Variants in RBP5 observed in about 807,000 individuals in gnomAD.
RBP5 encodes retinol-binding protein 5.
Under a neutral mutation model 17.8 loss-of-function variants are expected in RBP5, and 12 were observed. The observed-to-expected ratio is 0.67, with a 90% CI of 0.43 to 1.09. RBP5 has a LOEUF of 1.09. Among genes scored for constraint, RBP5 ranks in the 50% least tolerant of loss-of-function variants. The pLI is 0.00. For missense variants in RBP5, 172 were observed against 169.4 expected (o/e 1.02, Z -0.09); for synonymous variants, 64 against 68.1 (o/e 0.94, Z 0.30).
At position 7,124,765 on chromosome 12, in the gene RBP5, A is replaced by G; in HGVS notation, c.253-35T>C. Reference sequence around the variant, plus strand: ...AAAGAGGGAGTAAAGAAAGATTAGGAGGCAGGACACTCAAAATGCTTCCCA... The same window carrying G: ...AAAGAGGGAGTAAAGAAAGATTAGGGGGCAGGACACTCAAAATGCTTCCCA... On this transcript the variant is annotated intron_variant, in intron 2 of 3. Transcript: ENST00000266560. The surrounding 1 kb of genome is among the most constrained non-coding windows in gnomAD (Gnocchi z 5.3). 1.6e-6 allele frequency: 2 copies of G among 1,283,154 alleles called. No homozygotes were observed. Among genetic ancestry groups the G allele is most frequent in the Non-Finnish European group, 2.3e-6 (2 of 879,282 alleles). 79.5% of individuals were successfully genotyped at this position (1,283,154 alleles called of 1,614,324 possible). A position where few individuals can be genotyped will look rare whatever the true frequency, so the allele number is the denominator to read the frequency against.
chr12:7,128,967 C>T, upstream of RBP5: 2 of 585,216 alleles, frequency 3.4e-6, no homozygotes, highest in Non-Finnish European at 6.4e-6. The surrounding 1 kb of genome is among the most constrained non-coding windows in gnomAD (Gnocchi z 5.3). Context: ...CTTCTTCCCT[C>T]CCCGCATGGT....
upstream of RBP5, chr12:7,129,703 T>A: frequency 1.0e-6 from 1 of 985,446 alleles, no homozygotes; most frequent in South Asian, 4.7e-5. The surrounding 1 kb of genome is among the most constrained non-coding windows in gnomAD (Gnocchi z 5.5). Flanking sequence ...TGCCCAATTC[T>A]CTCTCGAACC....
In RBP5 at chr12:7,128,154, G is replaced by A; in HGVS notation, c.252+86C>T. On this transcript the variant is annotated intron_variant, in intron 2 of 3. Transcript: ENST00000266560. The surrounding 1 kb of genome is among the most constrained non-coding windows in gnomAD (Gnocchi z 5.3). ...CCCCTCCTCCCCGCTGCTCTGGCTGGGGAAGGTCACTTTGTTTTGCCCCAT... is the reference window on the plus strand; with the variant it reads ...CCCCTCCTCCCCGCTGCTCTGGCTGAGGAAGGTCACTTTGTTTTGCCCCAT... 8.0e-7 allele frequency: 1 copy of A among 1,254,708 alleles called. No homozygotes were observed. The highest frequency in any genetic ancestry group is 1.1e-6 in the Non-Finnish European group (1 of 900,980). 77.7% of individuals were successfully genotyped at this position (1,254,708 alleles called of 1,614,324 possible). A position where few individuals can be genotyped will look rare whatever the true frequency, so the allele number is the denominator to read the frequency against.
intron 2 of RBP5, among the ~76,000 whole-genome samples, chr12:7,126,493 G>C (rs909735484): frequency 6.9e-5 from 2 of 29,030 alleles, no homozygotes; most frequent in Admixed American, 2.2e-4. Flanking sequence ...ATTAGATGTG[G>C]TGGTGGTGGT....
upstream of RBP5, chr12:7,129,419 C>T (rs1212230522): frequency 5.9e-6 from 1 of 169,064 alleles, no homozygotes; most frequent in Non-Finnish European, 1.2e-5. The surrounding 1 kb of genome is among the most constrained non-coding windows in gnomAD (Gnocchi z 5.5). Flanking sequence ...AGTGGCATTC[C>T]AGACTCTTGG....
chr12:7,129,603 C>A (rs1939239869), upstream of RBP5: 2 of 985,408 alleles, frequency 2.0e-6, no homozygotes, highest in Non-Finnish European at 2.4e-6. This position sits in a 1 kb window ranked among gnomAD's most constrained non-coding sequence, Gnocchi z 5.5. Context: ...AACCCCCAGT[C>A]CCCAGCCCTA....
downstream of RBP5, among the ~76,000 whole-genome samples, chr12:7,120,134 G>A (rs971538567): frequency 2.6e-5 from 4 of 152,062 alleles, no homozygotes; most frequent in Admixed American, 6.5e-5. Flanking sequence ...TGGGGTAGGG[G>A]GAGGCAGGAG....
upstream of RBP5, chr12:7,129,204 G>T (rs1939233341): frequency 4.1e-6 from 1 of 244,304 alleles, no homozygotes; most frequent in African/African-American, 2.2e-5. The surrounding 1 kb of genome is among the most constrained non-coding windows in gnomAD (Gnocchi z 5.5). Flanking sequence ...GGGCCTGAGG[G>T]GCAGTCTTTC....
chr12:7,127,845 G>C (rs753416343), intron 2 of RBP5: 3 of 634,038 alleles, frequency 4.7e-6, no homozygotes, highest in East Asian at 5.5e-5. Flanking sequence ...GGAGGACTAG[G>C]ATCTGCAAAG....
At chr12:7,126,510 G>GGTGGTGGTGGTGTGT (rs751535528) in intron 2 of RBP5, among the ~76,000 whole-genome samples, 1 of 131,024 alleles carries the variant, frequency 7.6e-6, no homozygotes, top group East Asian at 2.1e-4. Flanking sequence ...TGGTGGTGGT[G>GGTGGTGGTGGTGTGT]GTGTGTGTGT....
chr12:7,124,304 A>G lies in RBP5; in HGVS notation c.355-130T>C. ...AGCTTGAGTGTTTGATGTATGGGCA[A>G]TTGTATCATTATTCCACATCCTCAA... On this transcript the variant is annotated intron_variant, in intron 3 of 3. Coordinates refer to ENST00000266560, the MANE Select transcript of RBP5 (RefSeq NM_031491.4). The surrounding 1 kb of genome is among the most constrained non-coding windows in gnomAD (Gnocchi z 5.3). The G allele has an allele frequency of 5.1e-6, 4 of 784,200 alleles. No individual in the cohort carries two copies. Among genetic ancestry groups the G allele is most frequent in the Non-Finnish European group, 8.7e-6 (4 of 459,482 alleles). 48.6% of individuals were successfully genotyped at this position (784,200 alleles called of 1,614,324 possible).
In RBP5 at chr12:7,117,093, C is replaced by T. The variant is rs10845008; in HGVS notation, n.1104G>A. On this transcript the variant is annotated non_coding_transcript_exon_variant, in exon 4 of 4. Coordinates refer to the RBP5 transcript ENST00000619522. The surrounding 1 kb of genome is among the most constrained non-coding windows in gnomAD (Gnocchi z 4.9). ...CTGGGGCTGGAGGTCTGCTTCCAGA[C>T]GGTCACTCACATGGATGTGGGCAGG... 21,777 of 152,134 alleles carry T rather than the reference C, an allele frequency of 0.14. 1,956 individuals carry two copies. Among genetic ancestry groups the T allele is most frequent in the East Asian group, 0.44 (2,254 of 5,148 alleles). The allele number at this position is 152,134 out of a possible 1,614,324, so 9.4% of individuals were successfully genotyped here.
chr12:7,129,351 AC>A (rs1471211997), upstream of RBP5: 2 of 174,078 alleles, frequency 1.1e-5, no homozygotes, highest in Non-Finnish European at 2.5e-5. This position sits in a 1 kb window ranked among gnomAD's most constrained non-coding sequence, Gnocchi z 5.5. Flanking sequence ...CATGAAGAGC[AC>A]CCTGTAGGCC....
At chr12:7,119,201 T>TG (rs71067155), downstream of RBP5, among the ~76,000 whole-genome samples, 531 of 115,164 alleles carry the variant, frequency 4.6e-3, 2 homozygotes, top group Middle Eastern at 0.014. Context: ...CTGTGGGGGA[T>TG]GGGGGGGGGT....
chr12:7,116,433 T>C (rs777951998), exon 4 of RBP5: 13 of 152,432 alleles, frequency 8.5e-5, no homozygotes, highest in African/African-American at 3.1e-4. Context: ...TCCCTGCGGC[T>C]TGTCACTCAT....
chr12:7,122,750 G>A (rs2135780165), downstream of RBP5, among the ~76,000 whole-genome samples: 1 of 152,338 alleles, frequency 6.6e-6, no homozygotes, highest in Non-Finnish European at 1.5e-5. Context: ...GATTCCAGCA[G>A]CCCTCAGAGC....
At chr12:7,128,956 ACTT>A, upstream of RBP5, 1 of 606,880 alleles carries the variant, frequency 1.6e-6, no homozygotes, top group Middle Eastern at 4.2e-4. The surrounding 1 kb of genome is among the most constrained non-coding windows in gnomAD (Gnocchi z 5.3). Context: ...TCCCTACCAG[ACTT>A]CTTCCCTCCC....
chr12:7,129,877 G>A (rs1939245691), upstream of RBP5: 1 of 924,662 alleles, frequency 1.1e-6, no homozygotes, highest in Non-Finnish European at 1.3e-6. This position sits in a 1 kb window ranked among gnomAD's most constrained non-coding sequence, Gnocchi z 5.5. Context: ...GGGTCCCAGA[G>A]CCTCGATACC....
downstream of RBP5, chr12:7,122,102 ATG>A (rs367576071): frequency 0.99 from 149,651 of 151,700 alleles, 73,820 homozygotes; most frequent in South Asian, 1. Context: ...GTGTGTGTGT[ATG>A]TGTGTGTGTG....
Sources: allele counts gnomAD v4.1 joint callset (sites outside exome capture counted in the v4.1 genomes callset), GRCh38; gene constraint gnomAD v4.1.1; non-coding constraint Gnocchi (gnomAD v3.1); transcripts MANE v1.5; gene names NCBI Gene and HGNC (gene_info 2026-07-23, HGNC 2026-07-21).